The following SFSWAP variants were observed in gnomAD, a reference collection of about 807,000 sequenced individuals.
SFSWAP encodes splicing factor SWAP.
A neutral mutation model predicts 100.7 loss-of-function variants in SFSWAP; 17 were observed. The observed-to-expected ratio is 0.17, with a 90% CI of 0.12 to 0.25. The LOEUF is 0.25. Among genes scored for constraint, SFSWAP ranks in the 10% least tolerant of loss-of-function variants. The pLI is 1.00. For missense variants in SFSWAP, 1,005 were observed against 1,262.6 expected (o/e 0.80, Z 3.09); for synonymous variants, 504 against 510.1 (o/e 0.99, Z 0.16).
At chr12:131,736,516 A>G (rs1880033030) in intron 7 of SFSWAP, among the ~76,000 whole-genome samples, 1 of 152,200 alleles carries the variant, frequency 6.6e-6, no homozygotes. Context: ...TTCAGAGGCA[A>G]AAATGCCCAT....
In SFSWAP at chr12:131,766,453, T is replaced by G. The variant is rs1469983863; in HGVS notation, c.2142+145T>G. ...CTTCCTCCCGACATGGTTGAGTGGC[T>G]TTTACTCTATAGCAGTGAATCTAAG... On this transcript the variant is annotated intron_variant, in intron 13 of 17. Coordinates refer to ENST00000261674, the MANE Select transcript of SFSWAP (RefSeq NM_004592.4). The G allele has an allele frequency of 5.3e-6, 4 of 749,080 alleles. No homozygotes were observed. In the African/African-American group the frequency reaches 7.0e-5, roughly 13 times the overall value. 46.4% of individuals were successfully genotyped at this position (749,080 alleles called of 1,614,324 possible).
chr12:131,783,818 AT>A (rs1566055487), intron 14 of SFSWAP: 10 of 135,962 alleles, frequency 7.4e-5, no homozygotes, highest in East Asian at 2.4e-4. Flanking sequence ...ATATATATAT[AT>A]ATAATTCTTT....
chr12:131,747,103 CAAAA>C (rs398021689), intron 7 of SFSWAP, among the ~76,000 whole-genome samples: 5 of 96,910 alleles, frequency 5.2e-5, no homozygotes, highest in African/African-American at 1.7e-4. Context: ...GACTCTGTCT[CAAAA>C]AAAAAAAAAA....
intron 3 of SFSWAP, among the ~76,000 whole-genome samples, chr12:131,719,043 T>A (rs7305098): frequency 6.6e-6 from 1 of 151,944 alleles, no homozygotes; most frequent in Non-Finnish European, 1.5e-5. Flanking sequence ...AGCCAAACAC[T>A]GATCAGATTG....
chr12:131,721,933 C>T (rs886657723), intron 4 of SFSWAP, among the ~76,000 whole-genome samples: 6 of 152,194 alleles, frequency 3.9e-5, no homozygotes, highest in Admixed American at 2.0e-4. Context: ...ATTTCATTCT[C>T]ATAATTATTA....
chr12:131,719,702 C>T (rs555359988), intron 4 of SFSWAP, among the ~76,000 whole-genome samples, 163 bp downstream of exon 4: 1 of 152,242 alleles, frequency 6.6e-6, no homozygotes, highest in Admixed American at 6.5e-5. Flanking sequence ...TATTTATTTT[C>T]CCCAAAGGAA....
intron 7 of SFSWAP, among the ~76,000 whole-genome samples, chr12:131,735,751 G>C (rs1038504400): frequency 1.3e-5 from 2 of 152,094 alleles, no homozygotes; most frequent in East Asian, 3.9e-4. Flanking sequence ...AGTGATGCCG[G>C]GCTTATATTA....
Position 131,766,306 on chromosome 12 carries a change from G to A in SFSWAP, c.2140G>A (p.Glu714Lys), listed in dbSNP as rs374604788. ...GKIEESPFSV[E>K]ESSTTPCPLL... is the part of the protein sequence containing the mutation. ...AATTGAGGAGAGTCCTTTCAGTGTC[G>A]AGGTATAGTAAAATCCCACATTGGT... Residue 714 changes from glutamate (E) to lysine (K), a missense_variant and splice_region_variant, in exon 13 of 18, where the codon GAG becomes AAG. Around this residue, in one of 7 missense-constraint regions of SFSWAP, gnomAD observed 295 missense variants for 347.9 expected, o/e 0.85. Coordinates refer to ENST00000261674, the MANE Select transcript of SFSWAP (RefSeq NM_004592.4). 5 of 1,613,722 alleles carry A rather than the reference G, an allele frequency of 3.1e-6. No homozygotes were observed. The highest frequency in any genetic ancestry group is 1.1e-5 in the South Asian group (1 of 91,052).
intron 11 of SFSWAP, 93 bp from the exon 12 acceptor site, chr12:131,764,363 C>T (rs1882936032): frequency 1.0e-6 from 1 of 958,344 alleles, no homozygotes; most frequent in Admixed American, 2.1e-5. Flanking sequence ...GCTAGTCATC[C>T]CCTTCCCAGC....
chr12:131,789,063 C>T (rs1434670466), intron 15 of SFSWAP, among the ~76,000 whole-genome samples: 2 of 151,808 alleles, frequency 1.3e-5, no homozygotes, highest in African/African-American at 4.8e-5. Flanking sequence ...TCACTGCGGC[C>T]TCAACCTCCT....
In SFSWAP at chr12:131,799,445, C is replaced by T. The variant is rs1885915811; in HGVS notation, c.2813C>T (p.Ala938Val). 1 of 1,614,164 alleles carries T rather than the reference C, an allele frequency of 6.2e-7. No individual in the cohort carries two copies. The highest frequency in any genetic ancestry group is 8.5e-7 in the Non-Finnish European group (1 of 1,179,996). The change falls in exon 18 of 18, where the codon GCG becomes GTG. Residue 938 changes from alanine to valine, a missense_variant. Around this residue, in one of 7 missense-constraint regions of SFSWAP, gnomAD observed 295 missense variants for 347.9 expected, o/e 0.85. Coordinates refer to ENST00000261674, the MANE Select transcript of SFSWAP (RefSeq NM_004592.4). Reference sequence around the variant, plus strand: ...CAGGATCTCATGGCCAAAGTCAGAGCGATGCTTGCAGCTTCCAAAAACCTG... The same window carrying T: ...CAGGATCTCATGGCCAAAGTCAGAGTGATGCTTGCAGCTTCCAAAAACCTG... ...ITQDLMAKVR[A>V]MLAASKNLQT...
chr12:131,711,212 G>T lies in SFSWAP; in HGVS notation c.-18G>T. The stretch of plus-strand genomic sequence containing the variant: ...CGCGGCACAGAAGAGGACCAGCCTG[G>T]ACGCCGGGGACGCTGTCATGTACGG... On this transcript the variant is annotated 5_prime_UTR_variant, in exon 1 of 18. Transcript: ENST00000261674. This position sits in a 1 kb window ranked among gnomAD's most constrained non-coding sequence, Gnocchi z 4.9. 2 of 1,572,758 alleles carry T rather than the reference G, an allele frequency of 1.3e-6. No homozygotes were observed. Among genetic ancestry groups the T allele is most frequent in the South Asian group, 1.1e-5 (1 of 87,358 alleles).
intron 7 of SFSWAP, among the ~76,000 whole-genome samples, chr12:131,741,657 A>C (rs910807729): frequency 3.9e-5 from 6 of 151,992 alleles, no homozygotes; most frequent in Admixed American, 2.0e-4. Context: ...AAAAAAAAAA[A>C]AAACAGTAAA....
rs1001796417 is a variant in SFSWAP at position 131,711,533 on chromosome 12, G to A, written c.218+86G>A. On this transcript the variant is annotated intron_variant, in intron 1 of 17. Coordinates refer to ENST00000261674, the MANE Select transcript of SFSWAP (RefSeq NM_004592.4). This position sits in a 1 kb window ranked among gnomAD's most constrained non-coding sequence, Gnocchi z 4.9. ...TGTTGACTTGACTGCAAGGACTGCA[G>A]AGAGTTTTCTGGAGCCAGCGGGGAT... The A allele has an allele frequency of 8.4e-7, 1 of 1,189,336 alleles. No individual in the cohort carries two copies. The highest frequency in any genetic ancestry group is 1.2e-6 in the Non-Finnish European group (1 of 823,562). 73.7% of individuals were successfully genotyped at this position (1,189,336 alleles called of 1,614,324 possible).
chr12:131,758,807 C>A (rs1882408151), intron 11 of SFSWAP, among the ~76,000 whole-genome samples: 1 of 152,200 alleles, frequency 6.6e-6, no homozygotes, highest in South Asian at 2.1e-4. Flanking sequence ...TGTAGCCGGG[C>A]ATGGTGGCAC....
chr12:131,727,473 C>T (rs749075613), intron 6 of SFSWAP, among the ~76,000 whole-genome samples: 1 of 152,126 alleles, frequency 6.6e-6, no homozygotes, highest in Non-Finnish European at 1.5e-5. Flanking sequence ...TGGCGAAACC[C>T]TATCACTACT....
rs568306024 is a variant in SFSWAP, at chr12:131,786,453, C to G, written c.2409-10C>G. 12 of 1,584,574 alleles carry G rather than the reference C, an allele frequency of 7.6e-6. No homozygotes were observed. The South Asian group carries it at 1.4e-4, about 18-fold the overall frequency. ...CCACAGAGCTGAACACTGCCTCCTC[C>G]CCTGTCCAGGTCCCGCTCCCGGTCC... On this transcript the variant is annotated splice_polypyrimidine_tract_variant and intron_variant, in intron 14 of 17. Transcript: ENST00000261674.
rs1296519825 is a variant in SFSWAP, at chr12:131,795,995, G to A, written c.2535-1183G>A. The A allele has an allele frequency of 1.3e-3, 65 of 49,658 alleles. 1 individual carries two copies. Among genetic ancestry groups the A allele is most frequent in the African/African-American group, 5.6e-3 (63 of 11,302 alleles). The allele number at this position is 49,658 out of a possible 1,614,324, so 3.1% of individuals were successfully genotyped here. ...GGGAGGGATAGGGGAGGGGAGGGGAGAGGGGGAGGGGAGGGGAGGGGAGAG... is the reference window on the plus strand; with the variant it reads ...GGGAGGGATAGGGGAGGGGAGGGGAAAGGGGGAGGGGAGGGGAGGGGAGAG... On this transcript the variant is annotated intron_variant, in intron 15 of 17. Coordinates refer to ENST00000261674, the MANE Select transcript of SFSWAP (RefSeq NM_004592.4).
At chr12:131,747,159 T>G (rs1044797833) in intron 7 of SFSWAP, among the ~76,000 whole-genome samples, 1 of 151,178 alleles carries the variant, frequency 6.6e-6, no homozygotes, top group Non-Finnish European at 1.5e-5. Context: ...CTGTGTAACT[T>G]GTACAGGTGT....
Sources: allele counts gnomAD v4.1 joint callset (sites outside exome capture counted in the v4.1 genomes callset), GRCh38; gene constraint gnomAD v4.1.1; regional missense constraint gnomAD v4.1.1; non-coding constraint Gnocchi (gnomAD v3.1); transcripts MANE v1.5; gene names NCBI Gene and HGNC (gene_info 2026-07-23, HGNC 2026-07-21).